PHEX: variants seen among roughly 807,000 people sequenced by gnomAD.
PHEX encodes phosphate regulating endopeptidase X-linked, also known as phosphate-regulating neutral endopeptidase PHEX.
PHEX carries 16 observed loss-of-function variants against 68.0 expected under a neutral mutation model. The ratio of observed to expected loss-of-function variants is 0.24; its 90% confidence interval spans 0.16 to 0.36. The LOEUF is 0.36. Ranked by LOEUF, PHEX falls within the 10% of genes least tolerant of loss-of-function variation. PHEX has a pLI of 1.00. For missense variants in PHEX, 480 were observed against 575.5 expected, an observed-to-expected ratio of 0.83 and a Z score of 1.70; for synonymous variants, 208 against 205.1, an observed-to-expected ratio of 1.01 and a Z score of -0.12.
chrX:22,230,118 C>A (rs1254648450), intron 20 of PHEX, among the ~76,000 whole-genome samples: 1 of 109,759 alleles, frequency 9.1e-6, no homozygotes, highest in East Asian at 2.8e-4. Context: ...GTTTTGGTAC[C>A]AGCACCATGC....
chrX:22,166,044 G>C (rs1246956923), intron 12 of PHEX, among the ~76,000 whole-genome samples: 1 of 111,999 alleles, frequency 8.9e-6, no homozygotes, highest in Non-Finnish European at 1.9e-5. Flanking sequence ...CGCTGCTCTT[G>C]AGGTTCTTTA....
chrX:22,166,184 T>G (rs1455439220), intron 12 of PHEX, among the ~76,000 whole-genome samples: 1 of 112,348 alleles, frequency 8.9e-6, no homozygotes, highest in Non-Finnish European at 1.9e-5. Context: ...TCTAGATCAC[T>G]GCCTCCAATC....
In PHEX at chrX:22,062,453, T is replaced by C. The variant is rs1928411630; in HGVS notation, c.350-13935T>C. Reference sequence around the variant, plus strand: ...CCCCAATATATCCAAAATACTGTTATTTCTACATGTAATCAATGTAGAAAA... The same window carrying C: ...CCCCAATATATCCAAAATACTGTTACTTCTACATGTAATCAATGTAGAAAA... On this transcript the variant is annotated intron_variant, in intron 3 of 21. Coordinates refer to ENST00000379374, the MANE Select transcript of PHEX (RefSeq NM_000444.6). Among the ~76,000 whole-genome samples, 3 of 110,267 alleles carry C rather than the reference T, an allele frequency of 2.7e-5. No individual in the cohort carries two copies. In the South Asian group the frequency reaches 1.1e-3, roughly 41 times the overall value.
intron 3 of PHEX, among the ~76,000 whole-genome samples, chrX:22,057,881 G>A (rs1009034097): frequency 2.7e-5 from 3 of 111,930 alleles, no homozygotes; most frequent in Non-Finnish European, 5.6e-5. Flanking sequence ...GGTTGGCTGA[G>A]TGCAGTTGTG....
intron 3 of PHEX, among the ~76,000 whole-genome samples, chrX:22,048,145 ATAAT>A (rs1178888905): frequency 2.7e-5 from 3 of 111,675 alleles, no homozygotes; most frequent in African/African-American, 9.8e-5. Context: ...GGCAAAATAA[ATAAT>A]TAGATACCTA....
At position 22,099,081 on chromosome X, in the gene PHEX, G is replaced by A. The variant is rs770491624; in HGVS notation, c.1009G>A (p.Glu337Lys). Residue 337 changes from glutamate (E) to lysine (K), a missense_variant, in exon 9 of 22, where the codon GAG becomes AAG. Glu to Lys is a moderately conservative substitution (Grantham distance 56). Coordinates refer to ENST00000379374, the MANE Select transcript of PHEX (RefSeq NM_000444.6). ...YPHLKDISPS[E>K]NVVVRVPQYF... The stretch of plus-strand genomic sequence containing the variant: ...CCATCTGAAAGACATCAGCCCCTCC[G>A]AGAATGTGGTGGTCCGCGTCCCGCA... 12 of 1,205,780 alleles carry A rather than the reference G, an allele frequency of 1.0e-5. No individual in the cohort carries two copies. Among genetic ancestry groups the A allele is most frequent in the Middle Eastern group, 2.3e-4 (1 of 4,365 alleles).
chrX:22,142,748 C>T (rs1485144748), intron 12 of PHEX, among the ~76,000 whole-genome samples: 1 of 112,459 alleles, frequency 8.9e-6, no homozygotes, highest in African/African-American at 3.2e-5. Flanking sequence ...CTCCATGGAA[C>T]TATGATTTAA....
intron 20 of PHEX, among the ~76,000 whole-genome samples, chrX:22,234,348 T>A (rs1935884759): frequency 1.8e-5 from 2 of 112,439 alleles, no homozygotes; most frequent in Non-Finnish European, 3.8e-5. Flanking sequence ...GACGTTTAAG[T>A]CTGCTGAAGC....
At chrX:22,063,585 G>A (rs938060318) in intron 3 of PHEX, among the ~76,000 whole-genome samples, 2 of 111,968 alleles carry the variant, frequency 1.8e-5, no homozygotes, top group African/African-American at 3.2e-5. Flanking sequence ...TGCATAGCCC[G>A]CTGTGTCTCA....
chrX:22,235,967 A>ATTTTCAGTATGATCCAACTCCACT (rs1444778778), intron 20 of PHEX, among the ~76,000 whole-genome samples: 1 of 110,944 alleles, frequency 9.0e-6, no homozygotes, highest in African/African-American at 3.3e-5. Context: ...GGCTTCCCAA[A>ATTTTCAGTATGATCCAACTCCACT]TTTTCAGTAT....
intron 12 of PHEX, among the ~76,000 whole-genome samples, chrX:22,163,664 ATATT>A (rs1933215514): frequency 8.9e-6 from 1 of 111,793 alleles, no homozygotes; most frequent in Admixed American, 9.6e-5. Context: ...AATCTGTTAA[ATATT>A]TATATCACTG....
intron 9 of PHEX, among the ~76,000 whole-genome samples, chrX:22,099,740 A>T (rs1174909299): frequency 8.9e-6 from 1 of 112,075 alleles, no homozygotes; most frequent in Non-Finnish European, 1.9e-5. Context: ...AGGAAGGAGA[A>T]TTTTACAGGT....
Position 22,087,307 on chromosome X carries a change from T to C in PHEX, c.664-3122T>C, listed in dbSNP as rs1431981180. ...TAATATTGTGTTTCATGATCGTGGC[T>C]TGCTTAATTTTTGGAAGAAATAGTG... is the stretch of plus-strand genomic sequence containing the variant. On this transcript the variant is annotated intron_variant, in intron 5 of 21. Coordinates refer to ENST00000379374, the MANE Select transcript of PHEX (RefSeq NM_000444.6). Among the ~76,000 whole-genome samples, 8 of 111,903 alleles carry C rather than the reference T, an allele frequency of 7.1e-5. No homozygotes were observed. In the Admixed American group the frequency reaches 7.6e-4, roughly 11 times the overall value.
chrX:22,140,612 G>T (rs1007132626), intron 12 of PHEX, among the ~76,000 whole-genome samples: 3 of 110,515 alleles, frequency 2.7e-5, no homozygotes, highest in Non-Finnish European at 5.7e-5. Context: ...CTCCCGAGTA[G>T]CTGGGACCAC....
At chrX:22,057,274 C>T (rs1928154157) in intron 3 of PHEX, among the ~76,000 whole-genome samples, 1 of 112,061 alleles carries the variant, frequency 8.9e-6, no homozygotes, top group African/African-American at 3.2e-5. Context: ...AAATGGATTT[C>T]AGTGCTAGAG....
chrX:22,228,926 CTGTGTCTA>C (rs1305756828), intron 20 of PHEX, among the ~76,000 whole-genome samples: 1 of 111,225 alleles, frequency 9.0e-6, no homozygotes, highest in African/African-American at 3.3e-5. Flanking sequence ...GTTCCCCTCT[CTGTGTCTA>C]TGTGTTTTCA....
At chrX:22,206,642 A>G (rs944396010) in intron 15 of PHEX, among the ~76,000 whole-genome samples, 3 of 111,325 alleles carry the variant, frequency 2.7e-5, no homozygotes, top group Non-Finnish European at 3.8e-5. Flanking sequence ...CTTAGCCTAC[A>G]TACCTGAAGC....
In PHEX at chrX:22,096,990, C is replaced by A; in HGVS notation, c.885C>A (p.Ala295=). The stretch of plus-strand genomic sequence containing the variant: ...CACATGAAAACCGAACCAGCGAGGC[C>A]ATGTACAACAAAATGAACATTTCTG... ...MIPHENRTSE[A]MYNKMNISEL... is the part of the protein sequence containing the mutation. The change falls in exon 8 of 22, where the codon GCC becomes GCA. Residue 295 remains alanine (A), a synonymous_variant. Transcript: ENST00000379374. 1 of 1,204,838 alleles carries A rather than the reference C, an allele frequency of 8.3e-7. No homozygotes were observed. The highest frequency in any genetic ancestry group is 1.8e-5 in the South Asian group (1 of 56,810).
intron 14 of PHEX, among the ~76,000 whole-genome samples, chrX:22,189,250 A>T (rs1297293247): frequency 8.9e-6 from 1 of 112,400 alleles, no homozygotes; most frequent in Non-Finnish European, 1.9e-5. Flanking sequence ...GGGAGTGCAG[A>T]TATCTCTTTG....
Sources: allele counts gnomAD v4.1 joint callset (sites outside exome capture counted in the v4.1 genomes callset), GRCh38; gene constraint gnomAD v4.1.1; transcripts MANE v1.5; gene names NCBI Gene and HGNC (gene_info 2026-07-23, HGNC 2026-07-21).